Variants in AVEN observed in about 807,000 individuals in gnomAD.
AVEN encodes apoptosis and caspase activation inhibitor, also known as cell death regulator Aven.
AVEN carries 41 observed loss-of-function variants against 38.1 expected under a neutral mutation model. That is an observed-to-expected ratio of 1.08 (90% CI 0.84 to 1.40). The LOEUF is 1.40. Among genes scored for constraint, AVEN ranks in the 40% most tolerant of loss-of-function variants. The pLI is 0.00. For missense variants in AVEN, 605 were observed against 438.8 expected, an observed-to-expected ratio of 1.38 and a Z score of -3.38; for synonymous variants, 206 against 171.8, an observed-to-expected ratio of 1.20 and a Z score of -1.56.
intron 1 of AVEN, among the ~76,000 whole-genome samples, chr15:34,073,670 A>G (rs1900677297): frequency 6.6e-6 from 1 of 150,818 alleles, no homozygotes; most frequent in Non-Finnish European, 1.5e-5. Flanking sequence ...ACAGGTGCAC[A>G]CCACCACACC....
intron 2 of AVEN, among the ~76,000 whole-genome samples, chr15:33,943,301 T>C (rs1894385365): frequency 1.3e-5 from 2 of 152,226 alleles, no homozygotes; most frequent in African/African-American, 2.4e-5. Flanking sequence ...TGTCACATGC[T>C]ACAACATGGA....
At chr15:33,852,080 A>G in the AVEN span, 1 of 34,638 alleles carries the variant, frequency 2.9e-5, no homozygotes, top group East Asian at 1.1e-3. Flanking sequence ...GTCAGTGAAT[A>G]GTAGGAGGTC....
At position 34,063,252 on chromosome 15, in the gene AVEN, C is replaced by A. The variant is rs1306096452; in HGVS notation, n.1307G>T. On this transcript the variant is annotated non_coding_transcript_exon_variant, in exon 5 of 12. Coordinates refer to the AVEN transcript ENST00000675287. The surrounding 1 kb of genome is among the most constrained non-coding windows in gnomAD (Gnocchi z 4.1). ...GTACTTGGTTGGGAAGCGGACAGTT[C>A]CACTGGATGAGTGCCAGATCCAGTT... 2 of 1,614,196 alleles carry A rather than the reference C, an allele frequency of 1.2e-6. No individual in the cohort carries two copies. The highest frequency in any genetic ancestry group is 1.6e-4 in the Middle Eastern group (1 of 6,062).
intron 2 of AVEN, among the ~76,000 whole-genome samples, chr15:33,889,911 T>A (rs1891862198): frequency 6.6e-6 from 1 of 152,200 alleles, no homozygotes; most frequent in South Asian, 2.1e-4. Flanking sequence ...GAAAATGATG[T>A]GCAAACAAAT....
chr15:33,920,359 T>G, intron 2 of AVEN, among the ~76,000 whole-genome samples: 1 of 152,192 alleles, frequency 6.6e-6, no homozygotes, highest in Non-Finnish European at 1.5e-5. Flanking sequence ...CCCCAACCCC[T>G]AGCAACCACC....
intron 2 of AVEN, among the ~76,000 whole-genome samples, chr15:33,959,551 G>A (rs1207382551): frequency 6.6e-6 from 1 of 152,074 alleles, no homozygotes; most frequent in Non-Finnish European, 1.5e-5. Flanking sequence ...CCTAGGGGCA[G>A]AGGGAGGCCC....
intron 2 of AVEN, among the ~76,000 whole-genome samples, chr15:33,989,607 C>T (rs73387908): frequency 0.015 from 2,245 of 152,176 alleles, 69 homozygotes; most frequent in African/African-American, 0.053. Flanking sequence ...AACACTACAG[C>T]CGTCCCTTTT....
At chr15:33,932,555 G>A (rs868692009) in intron 2 of AVEN, among the ~76,000 whole-genome samples, 9 of 152,174 alleles carry the variant, frequency 5.9e-5, no homozygotes, top group Admixed American at 1.3e-4. Context: ...GGCTGGGCGC[G>A]GTGGCTCACG....
intron 2 of AVEN, among the ~76,000 whole-genome samples, chr15:33,895,925 C>T (rs561229805): frequency 6.6e-6 from 1 of 152,218 alleles, no homozygotes; most frequent in Admixed American, 6.5e-5. Flanking sequence ...CAAAGTCTGC[C>T]CCCTAATTCA....
chr15:33,983,213 T>TGTATATAC (rs1896261815), intron 2 of AVEN, among the ~76,000 whole-genome samples: 1 of 36,938 alleles, frequency 2.7e-5, no homozygotes, highest in Non-Finnish European at 5.2e-5. Flanking sequence ...TATATATATA[T>TGTATATAC]ACATATATAT....
At chr15:34,019,770 G>A (rs1056514785) in intron 1 of AVEN, among the ~76,000 whole-genome samples, 1 of 152,286 alleles carries the variant, frequency 6.6e-6, no homozygotes, top group Non-Finnish European at 1.5e-5. Flanking sequence ...CCGCCTGGGT[G>A]TACAGTAGGC....
Position 34,038,960 on chromosome 15 carries a change from G to A in AVEN, c.87C>T (p.Pro29=), listed in dbSNP as rs1271165621. 2.2e-5 allele frequency: 24 copies of A among 1,108,478 alleles called. No individual in the cohort carries two copies. Among genetic ancestry groups the A allele is most frequent in the South Asian group, 3.9e-5 (1 of 25,562 alleles). 68.7% of individuals were successfully genotyped at this position (1,108,478 alleles called of 1,614,324 possible). The change falls in exon 1 of 6, where the codon CCC becomes CCT. Residue 29 remains proline (P), a synonymous_variant. Transcript: ENST00000306730. ...RPGGDRHSER[P]GAAAAVARGG... ...CTCTGGCTACCGCCGCTGCGGCTCCGGGCCGCTCGCTGTGGCGATCTCCGC... is the reference window on the plus strand; with the variant it reads ...CTCTGGCTACCGCCGCTGCGGCTCCAGGCCGCTCGCTGTGGCGATCTCCGC...
chr15:33,878,166 A>G (rs1766597697), intron 2 of AVEN, among the ~76,000 whole-genome samples: 1 of 152,226 alleles, frequency 6.6e-6, no homozygotes, highest in Non-Finnish European at 1.5e-5. Context: ...TCAATCCCAA[A>G]AAGATTTTTG....
intron 4 of AVEN, chr15:34,065,540 G>A (rs1279495430): frequency 6.6e-6 from 1 of 152,056 alleles, no homozygotes; most frequent in Non-Finnish European, 1.5e-5. Flanking sequence ...CTCCAAATTC[G>A]GTCACAAATG....
chr15:34,037,107 C>G (rs1899168075), intron 1 of AVEN, among the ~76,000 whole-genome samples: 1 of 121,380 alleles, frequency 8.2e-6, no homozygotes, highest in Non-Finnish European at 1.5e-5. Flanking sequence ...AAAACTCCGT[C>G]TCAAAAAAAA....
At chr15:33,918,457 GCTTTTT>G (rs1442142604) in intron 2 of AVEN, among the ~76,000 whole-genome samples, 7 of 112,170 alleles carry the variant, frequency 6.2e-5, no homozygotes, top group African/African-American at 1.9e-4. Context: ...TTAAATTACA[GCTTTTT>G]TTTTTTTTTT....
chr15:33,857,501 G>C (rs565815517), downstream of AVEN, among the ~76,000 whole-genome samples: 1 of 152,010 alleles, frequency 6.6e-6, no homozygotes, highest in East Asian at 1.9e-4. Flanking sequence ...GGTACTGGAG[G>C]CCAGGACCTC....
At chr15:34,019,478 T>C (rs1898109796) in intron 1 of AVEN, among the ~76,000 whole-genome samples, 1 of 152,134 alleles carries the variant, frequency 6.6e-6, no homozygotes, top group Non-Finnish European at 1.5e-5. Flanking sequence ...GTGTACAGTG[T>C]TTATAAAGTC....
chr15:33,913,045 A>G (rs1014652387), intron 2 of AVEN, among the ~76,000 whole-genome samples: 1 of 151,952 alleles, frequency 6.6e-6, no homozygotes, highest in Non-Finnish European at 1.5e-5. Context: ...ATGCACCACC[A>G]CACCCAGCTA....
Sources: allele counts gnomAD v4.1 joint callset (sites outside exome capture counted in the v4.1 genomes callset), GRCh38; gene constraint gnomAD v4.1.1; non-coding constraint Gnocchi (gnomAD v3.1); transcripts MANE v1.5; gene names NCBI Gene and HGNC (gene_info 2026-07-23, HGNC 2026-07-21).